GPHN: variants seen among roughly 807,000 people sequenced by gnomAD.
The protein encoded by GPHN is gephyrin.
In GPHN, 17 loss-of-function variants were observed where a neutral mutation model predicts 95.5. That is an observed-to-expected ratio of 0.18 (90% CI 0.12 to 0.27). The LOEUF is 0.27. GPHN is among the 10% of genes least tolerant of loss of function. The pLI, the probability that GPHN is intolerant of heterozygous loss-of-function variation, is 1.00. For synonymous variants in GPHN, 320 were observed against 322.5 expected (o/e 0.99, Z 0.08); for missense variants, 660 against 978.1 (o/e 0.67, Z 4.34).
At chr14:66,834,872 A>G (rs1427038004) in intron 4 of GPHN, among the ~76,000 whole-genome samples, 1 of 140,282 alleles carries the variant, frequency 7.1e-6, no homozygotes, top group Non-Finnish European at 1.5e-5. Context: ...TCGGCTGTGA[A>G]TCCATCTGGT....
chr14:67,340,193 A>C, the GPHN span: 17 of 424,740 alleles, frequency 4.0e-5, no homozygotes, highest in South Asian at 6.1e-4. Flanking sequence ...ATTTAAAAAA[A>C]AAATCAAACC....
At chr14:67,579,854 A>G in the GPHN span, 18 of 1,604,058 alleles carry the variant, frequency 1.1e-5, no homozygotes, top group Admixed American at 1.7e-5. Context: ...GACCTGGAGC[A>G]CTGCCTGCAG....
chr14:67,344,728 AAAT>A, the GPHN span, among the ~76,000 whole-genome samples: 2 of 151,400 alleles, frequency 1.3e-5, no homozygotes, highest in African/African-American at 4.9e-5. Context: ...AAAAATTCAA[AAAT>A]ATTATCCAGG....
chr14:66,877,145 A>G (rs945960632), intron 4 of GPHN, among the ~76,000 whole-genome samples: 1 of 152,228 alleles, frequency 6.6e-6, no homozygotes, highest in Non-Finnish European at 1.5e-5. Context: ...ACACATCATT[A>G]TCTCAACAGA....
the GPHN span, chr14:67,387,394 AAT>A: frequency 6.2e-7 from 1 of 1,611,226 alleles, no homozygotes. Flanking sequence ...GCCTGAATGT[AAT>A]AGTGTGTGTC....
At position 66,794,764 on chromosome 14, in the gene GPHN, C is replaced by A. The variant is rs1419748327; in HGVS notation, c.201+18243C>A. Among the ~76,000 whole-genome samples the A allele has an allele frequency of 2.0e-5, 3 of 152,158 alleles. No individual in the cohort carries two copies. The East Asian group carries it at 5.8e-4, about 29-fold the overall frequency. On this transcript the variant is annotated intron_variant, in intron 3 of 22. Coordinates refer to ENST00000478722, the MANE Select transcript of GPHN (RefSeq NM_020806.5). The stretch of plus-strand genomic sequence containing the variant: ...CATTTGATCTTGAAGAGGTCTATAA[C>A]ATTTGGCAATGGTTGGTTTACTGTT...
At chr14:67,176,430 C>T (rs561036467) in intron 21 of GPHN, among the ~76,000 whole-genome samples, 2 of 152,292 alleles carry the variant, frequency 1.3e-5, no homozygotes, top group East Asian at 1.9e-4. Context: ...ATGAAGCCCA[C>T]TTGATCGTGG....
the GPHN span, chr14:67,586,058 C>T: frequency 6.2e-7 from 1 of 1,613,960 alleles, no homozygotes; most frequent in Non-Finnish European, 8.5e-7. Context: ...CTGGAAAAAG[C>T]CACATTGAGA....
chr14:66,673,274 A>T (rs2066405394), intron 1 of GPHN, among the ~76,000 whole-genome samples: 1 of 151,516 alleles, frequency 6.6e-6, no homozygotes, highest in African/African-American at 2.4e-5. Flanking sequence ...TTGTATTTTT[A>T]GTAGAGATGG....
the GPHN span, among the ~76,000 whole-genome samples, chr14:67,264,430 T>TA: frequency 1.3e-5 from 2 of 151,294 alleles, no homozygotes; most frequent in South Asian, 2.1e-4. Flanking sequence ...GGGGTCAAAT[T>TA]AAAAAAAATC....
the GPHN span, among the ~76,000 whole-genome samples, chr14:67,268,461 TACTCCATAGGC>T: frequency 6.6e-6 from 1 of 152,180 alleles, no homozygotes; most frequent in Non-Finnish European, 1.5e-5. Flanking sequence ...AAAGAATGGC[TACTCCATAGGC>T]AGAACACCGA....
At chr14:67,588,409 C>G in the GPHN span, 1 of 152,520 alleles carries the variant, frequency 6.6e-6, no homozygotes, top group Non-Finnish European at 1.5e-5. Context: ...CTTGAGACTT[C>G]TGGCAAACTT....
chr14:67,184,769 A>G (rs989655945), downstream of GPHN, among the ~76,000 whole-genome samples: 2 of 152,164 alleles, frequency 1.3e-5, no homozygotes, highest in Non-Finnish European at 2.9e-5. Flanking sequence ...AACTTTGGGA[A>G]CCATTCACAT....
the GPHN span, among the ~76,000 whole-genome samples, chr14:67,431,822 G>T: frequency 6.6e-6 from 1 of 152,182 alleles, no homozygotes; most frequent in Non-Finnish European, 1.5e-5. Context: ...GTTTCCGCAG[G>T]GGGCAGTCAG....
At chr14:67,473,301 T>C in the GPHN span, 6 of 1,416,526 alleles carry the variant, frequency 4.2e-6, no homozygotes, top group African/African-American at 4.3e-5. This position sits in a 1 kb window ranked among gnomAD's most constrained non-coding sequence, Gnocchi z 6.5. Flanking sequence ...GTGTGCCCTA[T>C]AGGGCTGAGG....
intron 3 of GPHN, 79 bp from the exon 4 acceptor site, chr14:66,824,395 C>A: frequency 1.4e-6 from 1 of 733,848 alleles, no homozygotes; most frequent in South Asian, 1.5e-5. Flanking sequence ...TCGTTGAATA[C>A]AAAGTGTCCT....
At chr14:67,432,481 G>A in the GPHN span, among the ~76,000 whole-genome samples, 3 of 152,240 alleles carry the variant, frequency 2.0e-5, no homozygotes, top group Non-Finnish European at 2.9e-5. Context: ...TTACCTTCCA[G>A]AATGGACTGT....
intron 9 of GPHN, among the ~76,000 whole-genome samples, chr14:66,985,283 A>C (rs2070941882): frequency 6.6e-6 from 1 of 152,192 alleles, no homozygotes; most frequent in African/African-American, 2.4e-5. Context: ...GTTTCTAGTC[A>C]TACCATTTAT....
chr14:67,004,417 G>A (rs1415834219), intron 9 of GPHN, among the ~76,000 whole-genome samples: 1 of 151,708 alleles, frequency 6.6e-6, no homozygotes, highest in African/African-American at 2.4e-5. Context: ...GCCATATTAA[G>A]CATATAGAGA....
Sources: allele counts gnomAD v4.1 joint callset (sites outside exome capture counted in the v4.1 genomes callset), GRCh38; gene constraint gnomAD v4.1.1; non-coding constraint Gnocchi (gnomAD v3.1); transcripts MANE v1.5; gene names NCBI Gene and HGNC (gene_info 2026-07-23, HGNC 2026-07-21).